LTBP1: variants seen among roughly 807,000 people sequenced by gnomAD.
LTBP1 encodes latent-transforming growth factor beta-binding protein 1.
Under a neutral mutation model 207.6 loss-of-function variants are expected in LTBP1, and 129 were observed. The ratio of observed to expected loss-of-function variants is 0.62; its 90% confidence interval spans 0.54 to 0.72. LTBP1 has a LOEUF of 0.72. LTBP1 is among the 30% of genes least tolerant of loss of function. The probability of loss-of-function intolerance (pLI) is 0.00; values close to 1 mark genes in which losing one functional copy is unlikely to be tolerated. For synonymous variants in LTBP1, 963 were observed against 833.7 expected (o/e 1.16, Z -2.67); for missense variants, 2,281 against 2,217.2 (o/e 1.03, Z -0.58).
intron 3 of LTBP1, among the ~76,000 whole-genome samples, chr2:33,103,943 A>G (rs2079905778): frequency 6.6e-6 from 1 of 151,880 alleles, no homozygotes; most frequent in Non-Finnish European, 1.5e-5. Flanking sequence ...CTTACTCCTG[A>G]TTATAAAACT....
chr2:33,249,717 C>A (rs1162794642), intron 10 of LTBP1, among the ~76,000 whole-genome samples: 1 of 152,112 alleles, frequency 6.6e-6, no homozygotes, highest in Non-Finnish European at 1.5e-5. Context: ...AAGTGCTTTT[C>A]CTTTTAGATA....
At chr2:33,345,613 T>C (rs1305427710) in intron 25 of LTBP1, among the ~76,000 whole-genome samples, 2 of 152,246 alleles carry the variant, frequency 1.3e-5, no homozygotes, top group Non-Finnish European at 2.9e-5. Context: ...ATGGTATTTT[T>C]CACAAGTGAA....
At chr2:33,020,764 A>C in intron 2 of LTBP1, 145 bp from the exon 3 acceptor site, 5 of 723,264 alleles carry the variant, frequency 6.9e-6, no homozygotes, top group Non-Finnish European at 1.1e-5. Context: ...TCCTCCGCCC[A>C]ACTGCCCCAC....
chr2:33,248,237 G>A (rs2092572235), intron 10 of LTBP1, among the ~76,000 whole-genome samples: 1 of 152,154 alleles, frequency 6.6e-6, no homozygotes, highest in African/African-American at 2.4e-5. Flanking sequence ...CAGGCACTGT[G>A]CTAAGCACTT....
chr2:33,125,230 C>T (rs2081359848), intron 4 of LTBP1, among the ~76,000 whole-genome samples: 1 of 152,312 alleles, frequency 6.6e-6, no homozygotes, highest in African/African-American at 2.4e-5. Context: ...GCATTAAAAT[C>T]CCAGCTTCAC....
chr2:33,059,644 G>A (rs2077171279), intron 3 of LTBP1, among the ~76,000 whole-genome samples: 1 of 152,176 alleles, frequency 6.6e-6, no homozygotes, highest in Non-Finnish European at 1.5e-5. Context: ...AATACAGGGG[G>A]TCAGATTCAG....
chr2:33,222,200 T>G, intron 9 of LTBP1, 49 bp downstream of exon 9: 1 of 1,367,316 alleles, frequency 7.3e-7, no homozygotes, highest in South Asian at 1.2e-5. Context: ...TGTTTTGGCT[T>G]TTTAGAAACT....
chr2:33,283,967 A>C (rs756415366), intron 19 of LTBP1, among the ~76,000 whole-genome samples: 1 of 152,136 alleles, frequency 6.6e-6, no homozygotes, highest in Non-Finnish European at 1.5e-5. Flanking sequence ...TTATGCTTAT[A>C]GTTTTTTTTC....
intron 24 of LTBP1, among the ~76,000 whole-genome samples, chr2:33,320,395 T>C (rs2094337256): frequency 8.0e-6 from 1 of 125,060 alleles, no homozygotes; most frequent in Admixed American, 7.9e-5. Context: ...ATAAACTCTG[T>C]GAAAAAAAAA....
chr2:32,984,819 T>C (rs1174685626), intron 2 of LTBP1, among the ~76,000 whole-genome samples: 1 of 151,326 alleles, frequency 6.6e-6, no homozygotes, highest in Non-Finnish European at 1.5e-5. Context: ...TAATCCCAGC[T>C]ACTTAGAAAG....
chr2:33,162,030 C>T (rs1029391221), intron 5 of LTBP1, among the ~76,000 whole-genome samples: 1 of 152,170 alleles, frequency 6.6e-6, no homozygotes, highest in Non-Finnish European at 1.5e-5. Context: ...GAGGAACTTA[C>T]TTGACACTCA....
chr2:33,203,744 C>T (rs1558808673), intron 7 of LTBP1, among the ~76,000 whole-genome samples: 1 of 152,084 alleles, frequency 6.6e-6, no homozygotes, highest in Non-Finnish European at 1.5e-5. Flanking sequence ...AATTAGACTC[C>T]TGTTCCTACA....
chr2:33,326,185 G>A (rs377462159), intron 24 of LTBP1, among the ~76,000 whole-genome samples: 9 of 152,140 alleles, frequency 5.9e-5, no homozygotes, highest in African/African-American at 2.2e-4. Context: ...GAATTTTCAT[G>A]TATAATATCA....
At chr2:33,029,068 G>C (rs375377880) in intron 3 of LTBP1, among the ~76,000 whole-genome samples, 1 of 152,190 alleles carries the variant, frequency 6.6e-6, no homozygotes, top group African/African-American at 2.4e-5. Context: ...TTTTCACTTA[G>C]AGATCATACA....
At position 33,037,605 on chromosome 2, in the gene LTBP1, T is replaced by A. The variant is rs138926937; in HGVS notation, c.863+16399T>A. Among the ~76,000 whole-genome samples the A allele has an allele frequency of 9.8e-5, 15 of 152,340 alleles. No homozygotes were observed. The East Asian group carries it at 2.9e-3, about 29-fold the overall frequency. ...AATCTACAGTTGTTACTGGACTGAT[T>A]TGGCACTTTTATTTTTCCTCTGATT... is the stretch of plus-strand genomic sequence containing the variant. On this transcript the variant is annotated intron_variant, in intron 3 of 33. Coordinates refer to ENST00000404816, the MANE Select transcript of LTBP1 (RefSeq NM_206943.4).
intron 9 of LTBP1, among the ~76,000 whole-genome samples, chr2:33,225,940 C>G (rs1380446057): frequency 1.3e-5 from 2 of 152,134 alleles, no homozygotes; most frequent in African/African-American, 2.4e-5. Context: ...GATTAGTATT[C>G]TGTTTTGTAT....
intron 31 of LTBP1, among the ~76,000 whole-genome samples, chr2:33,370,315 AT>A (rs2095051632): frequency 6.6e-6 from 1 of 152,248 alleles, no homozygotes; most frequent in South Asian, 2.1e-4. Context: ...AAATGCAGAA[AT>A]AATTGTTCTT....
At chr2:33,074,317 T>C (rs573302910) in intron 3 of LTBP1, among the ~76,000 whole-genome samples, 2 of 152,320 alleles carry the variant, frequency 1.3e-5, no homozygotes, top group South Asian at 4.1e-4. Flanking sequence ...TTCTCATCAG[T>C]CTCCCATCTC....
rs2093396621 is a variant in LTBP1 at position 33,274,965 on chromosome 2, A to G, written c.2744A>G (p.Asp915Gly). 1 of 1,613,646 alleles carries G rather than the reference A, an allele frequency of 6.2e-7. No individual in the cohort carries two copies. The highest frequency in any genetic ancestry group is 8.5e-7 in the Non-Finnish European group (1 of 1,179,788). ...TTTTTATATGTATTTTTGTTAACAG[A>G]TATTGATGAGTGTACTCAGGTCCAA... ...RFSEQQRKCV[D>G]IDECTQVQHL... The change falls in exon 17 of 34, where the codon GAT (aspartate) becomes GGT (glycine). Residue 915 changes from aspartate to glycine, a missense_variant and splice_region_variant. Asp to Gly is a moderately conservative substitution (Grantham distance 94). Coordinates refer to ENST00000404816, the MANE Select transcript of LTBP1 (RefSeq NM_206943.4).
Sources: gnomAD v4.1 joint callset for allele counts (sites outside exome capture counted in the v4.1 genomes callset) on GRCh38, gnomAD v4.1.1 for gene constraint, MANE v1.5 for transcripts, NCBI Gene and HGNC (gene_info 2026-07-23, HGNC 2026-07-21) for gene names.